Variants in NDST4 observed in about 807,000 individuals in gnomAD.
NDST4 encodes N-heparan sulfate sulfotransferase 4.
A neutral mutation model predicts 100.8 loss-of-function variants in NDST4; 63 were observed. The ratio of observed to expected loss-of-function variants is 0.62; its 90% CI spans 0.51 to 0.77. The LOEUF (loss-of-function observed/expected upper bound fraction) is 0.77. Ranked by LOEUF, NDST4 falls within the 30% of genes least tolerant of loss-of-function variation. The probability of loss-of-function intolerance (pLI) is 0.00; values close to 1 mark genes in which losing one functional copy is unlikely to be tolerated. For synonymous variants in NDST4, 377 were observed against 361.8 expected (o/e 1.04, Z -0.48); for missense variants, 943 against 1,018.4 (o/e 0.93, Z 1.01).
intron 8 of NDST4, among the ~76,000 whole-genome samples, chr4:114,850,820 A>C (rs1229296880): frequency 1.3e-5 from 2 of 152,158 alleles, no homozygotes; most frequent in Admixed American, 1.3e-4. Context: ...TTTTACATTG[A>C]CAATACCAGA....
chr4:114,951,121 A>C (rs1172546003), intron 4 of NDST4, among the ~76,000 whole-genome samples: 3 of 152,140 alleles, frequency 2.0e-5, no homozygotes, highest in Non-Finnish European at 4.4e-5. Flanking sequence ...GGAGGGATGT[A>C]GTTTTCACAC....
At chr4:114,939,783 AC>A (rs2126227225) in intron 4 of NDST4, among the ~76,000 whole-genome samples, 1 of 152,294 alleles carries the variant, frequency 6.6e-6, no homozygotes, top group Admixed American at 6.5e-5. Context: ...CCAGTGTTAT[AC>A]TGTTCATAAG....
At chr4:115,048,125 C>G (rs1334483884) in intron 2 of NDST4, among the ~76,000 whole-genome samples, 2 of 151,142 alleles carry the variant, frequency 1.3e-5, no homozygotes, top group Non-Finnish European at 2.9e-5. Flanking sequence ...GAAGCAGCAC[C>G]AGACCTGACA....
In NDST4 at chr4:114,852,724, C is replaced by T. The variant is rs1398724041; in HGVS notation, c.1816+1G>A. 1 of 1,576,892 alleles carries T rather than the reference C, an allele frequency of 6.3e-7. No homozygotes were observed. The highest frequency in any genetic ancestry group is 1.7e-5 in the Admixed American group (1 of 59,436). ...TAAGTAGCACAATTGGCTATTTTTACCTGTTTTTTGTGGACCAATTACTAG... is the reference window on the plus strand; with the variant it reads ...TAAGTAGCACAATTGGCTATTTTTATCTGTTTTTTGTGGACCAATTACTAG... On this transcript the variant is annotated splice_donor_variant, in intron 8 of 13. Coordinates refer to ENST00000264363, the MANE Select transcript of NDST4 (RefSeq NM_022569.3). LOFTEE classifies it high-confidence loss of function.
At chr4:115,079,516 A>G (rs1729258631) in intron 1 of NDST4, among the ~76,000 whole-genome samples, 1 of 152,192 alleles carries the variant, frequency 6.6e-6, no homozygotes. Flanking sequence ...CTGTTAGAGT[A>G]CTTAAATAAT....
rs115096759 is a variant in NDST4 at position 115,054,657 on chromosome 4, G to A, written c.978+21402C>T. Among the ~76,000 whole-genome samples, 3 of 152,258 alleles carry A rather than the reference G, an allele frequency of 2.0e-5. No homozygotes were observed. The South Asian group carries it at 6.2e-4, about 32-fold the overall frequency. On this transcript the variant is annotated intron_variant, in intron 2 of 13. Coordinates refer to ENST00000264363, the MANE Select transcript of NDST4 (RefSeq NM_022569.3). ...TATTTTCTTCTGACATTTCAATGGGGGTGTATGCAGCTTCCTTTGTAGACC... is the reference window on the plus strand; with the variant it reads ...TATTTTCTTCTGACATTTCAATGGGAGTGTATGCAGCTTCCTTTGTAGACC...
intron 2 of NDST4, among the ~76,000 whole-genome samples, chr4:115,023,833 C>A (rs767708556): frequency 6.6e-6 from 1 of 152,076 alleles, no homozygotes; most frequent in Non-Finnish European, 1.5e-5. Flanking sequence ...TTATGACAGG[C>A]CCATGCTATA....
chr4:114,899,647 A>G (rs1724792595), intron 6 of NDST4, among the ~76,000 whole-genome samples: 1 of 152,092 alleles, frequency 6.6e-6, no homozygotes, highest in South Asian at 2.1e-4. Context: ...CACATTAATC[A>G]GTTTTCCAAT....
At chr4:115,011,807 G>A (rs77402197) in intron 2 of NDST4, among the ~76,000 whole-genome samples, 10,091 of 151,906 alleles carry the variant, frequency 0.066, 1,089 homozygotes, top group African/African-American at 0.23. Flanking sequence ...GAACAGAAAT[G>A]AAAGCATATT....
intron 6 of NDST4, among the ~76,000 whole-genome samples, chr4:114,929,113 C>CCATCTATCTATCTATCT (rs1560817117): frequency 1.1e-4 from 13 of 117,492 alleles, no homozygotes; most frequent in South Asian, 5.9e-4. Context: ...TCCATCCATC[C>CCATCTATCTATCTATCT]ATCTATCTAT....
intron 6 of NDST4, among the ~76,000 whole-genome samples, chr4:114,892,408 T>G (rs774465426): frequency 3.3e-5 from 5 of 152,174 alleles, no homozygotes; most frequent in African/African-American, 9.6e-5. Flanking sequence ...CTATTAGCCG[T>G]AGTATCTATT....
chr4:115,048,158 T>C (rs934561657), intron 2 of NDST4, among the ~76,000 whole-genome samples: 3 of 152,078 alleles, frequency 2.0e-5, no homozygotes, highest in Non-Finnish European at 4.4e-5. Flanking sequence ...GATAGGTCTT[T>C]AAGGTTTTTA....
chr4:115,067,791 C>G (rs917556295), intron 2 of NDST4, among the ~76,000 whole-genome samples: 119 of 151,718 alleles, frequency 7.8e-4, no homozygotes, highest in African/African-American at 2.9e-3. Context: ...ATGTGCACAA[C>G]GTGCAGGTTT....
At chr4:115,047,852 CTT>C (rs1486572803) in intron 2 of NDST4, among the ~76,000 whole-genome samples, 2 of 151,918 alleles carry the variant, frequency 1.3e-5, no homozygotes, top group African/African-American at 2.4e-5. Flanking sequence ...GATCTATGAC[CTT>C]CAATAAAAGA....
chr4:115,049,693 A>C (rs1253881822), intron 2 of NDST4, among the ~76,000 whole-genome samples: 1 of 152,168 alleles, frequency 6.6e-6, no homozygotes, highest in Non-Finnish European at 1.5e-5. Flanking sequence ...GCAGGGATTA[A>C]ATCTATAGTG....
rs111456784 is a variant in NDST4, at chr4:114,961,392, A to C, written c.1221+9038T>G. On this transcript the variant is annotated intron_variant, in intron 4 of 13. Coordinates refer to ENST00000264363, the MANE Select transcript of NDST4 (RefSeq NM_022569.3). Reference sequence around the variant, plus strand: ...AATAGAGAAGAGAAAAGCAATAGAGAAAAACAATAAAATTAAAATTTGGTT... The same window carrying C: ...AATAGAGAAGAGAAAAGCAATAGAGCAAAACAATAAAATTAAAATTTGGTT... Among the ~76,000 whole-genome samples the C allele has an allele frequency of 2.5e-3, 376 of 152,150 alleles. 1 individual carries two copies. The highest frequency in any genetic ancestry group is 8.6e-3 in the African/African-American group (358 of 41,572).
intron 6 of NDST4, among the ~76,000 whole-genome samples, chr4:114,899,039 C>A (rs1209076118): frequency 1.3e-5 from 2 of 152,078 alleles, no homozygotes; most frequent in African/African-American, 4.8e-5. Context: ...ATTGGCTGAG[C>A]TAGGTTTTCT....
chr4:114,872,801 G>A (rs2126197601), intron 6 of NDST4, among the ~76,000 whole-genome samples: 1 of 152,034 alleles, frequency 6.6e-6, no homozygotes, highest in South Asian at 2.1e-4. Flanking sequence ...TCTACATCTA[G>A]TCAGTGGCAG....
chr4:115,075,723 T>C (rs1421000415), intron 2 of NDST4, among the ~76,000 whole-genome samples: 1 of 137,552 alleles, frequency 7.3e-6, no homozygotes, highest in African/African-American at 2.8e-5. Flanking sequence ...GGTAGAGGTT[T>C]CAGTGAGCCA....
Sources: gnomAD v4.1 joint callset for allele counts (sites outside exome capture counted in the v4.1 genomes callset) on GRCh38, gnomAD v4.1.1 for gene constraint, MANE v1.5 for transcripts, NCBI Gene and HGNC (gene_info 2026-07-23, HGNC 2026-07-21) for gene names.